NOP56: variants seen among roughly 807,000 people sequenced by gnomAD.
The protein encoded by NOP56 is nucleolar protein 56.
NOP56 carries 31 observed loss-of-function variants against 58.3 expected under a neutral mutation model. That is an observed-to-expected ratio of 0.53 (90% CI 0.40 to 0.72). The LOEUF is 0.72. NOP56 is among the 30% of genes least tolerant of loss of function. NOP56 has a pLI of 0.00. For synonymous variants in NOP56, 313 were observed against 282.8 expected (o/e 1.11, Z -1.07); for missense variants, 669 against 739.9 (o/e 0.90, Z 1.11).
At position 2,657,853 on chromosome 20, in the gene NOP56, CCT is replaced by C. The variant is rs377725813; in HGVS notation, c.1420-75_1420-74del. 295 of 1,474,942 alleles carry C rather than the reference CCT, an allele frequency of 2.0e-4. 2 individuals are homozygous for C. The African/African-American group carries it at 3.7e-3, about 18-fold the overall frequency. 91.4% of individuals were successfully genotyped at this position (1,474,942 alleles called of 1,614,324 possible). A position where few individuals can be genotyped will look rare whatever the true frequency, so the allele number is the denominator to read the frequency against. On this transcript the variant is annotated intron_variant, in intron 11 of 11. Coordinates refer to ENST00000329276, the MANE Select transcript of NOP56 (RefSeq NM_006392.4). The stretch of plus-strand genomic sequence containing the variant: ...GGGCAATGTTAACGACACGCGTTCC[CCT>C]GCCTTGGCTACTTAATTGCTGAAGA...
chr20:2,656,142 C>T (rs756884147), intron 8 of NOP56, 108 bp downstream of exon 8: 4 of 1,611,128 alleles, frequency 2.5e-6, no homozygotes, highest in East Asian at 4.5e-5. Context: ...ATACAGGCCT[C>T]TGCTATGGGG....
At chr20:2,656,708 G>A in intron 9 of NOP56, 66 bp from the exon 10 acceptor site, 1 of 1,613,858 alleles carries the variant, frequency 6.2e-7, no homozygotes, top group African/African-American at 1.3e-5. Flanking sequence ...TGAGGGTAGA[G>A]GGAACACAGG....
rs2086818823 is a variant in NOP56, at chr20:2,656,480, A to T, written c.1090A>T (p.Asn364Tyr). Residue 364 changes from asparagine (N) to tyrosine (Y), a missense_variant, in exon 9 of 12, where the codon AAC becomes TAC. Coordinates refer to ENST00000329276, the MANE Select transcript of NOP56 (RefSeq NM_006392.4). ...CTTCATTGGCCGAGCAGCTGCCAAG[A>T]ACAAAGGCCGCATCTCCCGATACCT... ...STFIGRAAAK[N>Y]KGRISRYLAN... 6.2e-7 allele frequency: 1 copy of T among 1,614,052 alleles called. No individual in the cohort carries two copies. The highest frequency in any genetic ancestry group is 8.5e-7 in the Non-Finnish European group (1 of 1,180,030).
chr20:2,657,480 C>A, intron 11 of NOP56: 1 of 678,598 alleles, frequency 1.5e-6, no homozygotes, highest in South Asian at 1.5e-5. Context: ...CAGGAGTCCT[C>A]AACCTGGGGT....
intron 10 of NOP56, 42 bp downstream of exon 10, chr20:2,656,937 G>A (rs1189818834): frequency 6.2e-7 from 1 of 1,614,048 alleles, no homozygotes; most frequent in Non-Finnish European, 8.5e-7. Context: ...ATAGCTAGCT[G>A]TTGGAGGTGA....
rs1285100548 is a variant in NOP56 at position 2,652,887 on chromosome 20, C to G, written c.49C>G (p.Leu17Val). 1.9e-6 allele frequency: 3 copies of G among 1,610,924 alleles called. No homozygotes were observed. Among genetic ancestry groups the G allele is most frequent in the Non-Finnish European group, 2.5e-6 (3 of 1,178,958 alleles). The part of the protein sequence containing the change: ...LFEHAVGYAL[L>V]ALKEVEEISL... ...TGAGCACGCGGTCGGCTACGCGCTG[C>G]TGGCGCTGAAGGAAGTGGAGGAGAT... Residue 17 changes from leucine (L) to valine (V), a missense_variant, in exon 2 of 12, where the codon CTG becomes GTG. Leu to Val is a conservative substitution (Grantham distance 32, BLOSUM62 1). Around this residue, in one of 3 missense-constraint regions of NOP56, gnomAD observed 121 missense variants for 113.1 expected, o/e 1.07. Coordinates refer to ENST00000329276, the MANE Select transcript of NOP56 (RefSeq NM_006392.4).
intron 1 of NOP56, 70 bp from the exon 2 acceptor site, chr20:2,652,772 C>G: frequency 6.4e-7 from 1 of 1,558,400 alleles, no homozygotes; most frequent in Non-Finnish European, 8.7e-7. Flanking sequence ...TGCGCCTGCG[C>G]CTGCCCTGGG....
intron 3 of NOP56, 77 bp from the exon 4 acceptor site, chr20:2,654,337 C>T: frequency 2.0e-6 from 3 of 1,531,626 alleles, no homozygotes; most frequent in South Asian, 2.2e-5. Flanking sequence ...CTCGGTGGGA[C>T]CAGGGTAGTC....
At chr20:2,654,082 C>A (rs1034040957) in intron 3 of NOP56, 9 of 512,786 alleles carry the variant, frequency 1.8e-5, no homozygotes, top group Admixed American at 6.0e-5. Flanking sequence ...TAAACACAGG[C>A]TGAGAAAAAA....
At chr20:2,657,004 C>G (rs201391325) in intron 10 of NOP56, 77 bp from the exon 11 acceptor site, 1 of 1,613,834 alleles carries the variant, frequency 6.2e-7, no homozygotes, top group Admixed American at 1.7e-5. Context: ...TTTAATGAGC[C>G]TGATCCAATA....
chr20:2,654,707 G>T, intron 4 of NOP56, 42 bp from the exon 5 acceptor site: 1 of 1,611,196 alleles, frequency 6.2e-7, no homozygotes. Context: ...GCGGGAGCTA[G>T]CTCAGAGCCC....
Position 2,656,323 on chromosome 20 carries a change from G to T in NOP56, c.1011-78G>T, listed in dbSNP as rs1364605889. 6 of 1,605,290 alleles carry T rather than the reference G, an allele frequency of 3.7e-6. No individual in the cohort carries two copies. The African/African-American group carries it at 8.0e-5, about 21-fold the overall frequency. On this transcript the variant is annotated intron_variant, in intron 8 of 11. Coordinates refer to ENST00000329276, the MANE Select transcript of NOP56 (RefSeq NM_006392.4). ...GCTCACTCAGGACTTCGGGGTGAGAGGAGGGGAGGAGCTGAGCTGCCTTGG... is the reference window on the plus strand; with the variant it reads ...GCTCACTCAGGACTTCGGGGTGAGATGAGGGGAGGAGCTGAGCTGCCTTGG...
chr20:2,653,974 G>A (rs1423833513), intron 3 of NOP56, among the ~76,000 whole-genome samples: 1 of 152,144 alleles, frequency 6.6e-6, no homozygotes, highest in South Asian at 2.1e-4. Context: ...GTTTCTTAAA[G>A]GGGGTCGGCT....
In NOP56 at chr20:2,655,368, A is replaced by G. The variant is rs145006178; in HGVS notation, c.613A>G (p.Asn205Asp). The change falls in exon 6 of 12, where the codon AAC becomes GAC. Residue 205 changes from asparagine to aspartate, a missense_variant. Asn to Asp is a conservative substitution (Grantham distance 23). This residue lies in a region of NOP56 where 339 missense variants were observed against 430.5 expected (regional missense o/e 0.79). Transcript: ENST00000329276. ...CTTTCCGGAGCTGGTGAAGATCATCAACGACAATGCCACATACTGCCGTCT... is the reference window on the plus strand; with the variant it reads ...CTTTCCGGAGCTGGTGAAGATCATCGACGACAATGCCACATACTGCCGTCT... ...YHFPELVKII[N>D]DNATYCRLAQ... The G allele has an allele frequency of 1.2e-5, 20 of 1,614,160 alleles. No homozygotes were observed. The highest frequency in any genetic ancestry group is 2.2e-5 in the East Asian group (1 of 44,876).
At chr20:2,653,669 T>A in intron 3 of NOP56, 1 of 347,562 alleles carries the variant, frequency 2.9e-6, no homozygotes, top group South Asian at 3.6e-5. Context: ...TTATTTTTAT[T>A]TTTTTTGAGA....
chr20:2,656,294 T>C, intron 8 of NOP56, 107 bp from the exon 9 acceptor site: 20 of 1,604,412 alleles, frequency 1.2e-5, no homozygotes, highest in Non-Finnish European at 1.6e-5. Flanking sequence ...CAATCTGGCC[T>C]GAGGCTCACT....
chr20:2,652,758 C>CGCCTGGGCCTGGGCCTGG, intron 1 of NOP56, 84 bp from the exon 2 acceptor site: 2 of 1,195,634 alleles, frequency 1.7e-6, no homozygotes, highest in Non-Finnish European at 2.3e-6. Flanking sequence ...CCTGGGCCTG[C>CGCCTGGGCCTGGGCCTGG]GCCTGCGCCT....
chr20:2,655,836 C>T, intron 7 of NOP56, 90 bp downstream of exon 7: 1 of 1,610,058 alleles, frequency 6.2e-7, no homozygotes, highest in Non-Finnish European at 8.5e-7. Flanking sequence ...CATGTCTTCC[C>T]TAGTTGTGCT....
chr20:2,654,952 A>T lies in NOP56; in HGVS notation c.569+5A>T. 1 of 1,613,996 alleles carries T rather than the reference A, an allele frequency of 6.2e-7. No homozygotes were observed. The highest frequency in any genetic ancestry group is 8.5e-7 in the Non-Finnish European group (1 of 1,180,022). ...TACCTTCTCTATGCGTGTCAGGTAAAGTGCAGGGGCCACCCATAATACTGG... is the reference window on the plus strand; with the variant it reads ...TACCTTCTCTATGCGTGTCAGGTAATGTGCAGGGGCCACCCATAATACTGG... On this transcript the variant is annotated splice_donor_5th_base_variant and intron_variant, in intron 5 of 11. Transcript: ENST00000329276.
Sources: gnomAD v4.1 joint callset for allele counts (sites outside exome capture counted in the v4.1 genomes callset) on GRCh38, gnomAD v4.1.1 for gene constraint, gnomAD v4.1.1 regional missense constraint, MANE v1.5 for transcripts, NCBI Gene and HGNC (gene_info 2026-07-23, HGNC 2026-07-21) for gene names.